The following PLXNA4 variants were observed in gnomAD, a reference collection of about 807,000 sequenced individuals.
PLXNA4 encodes the protein plexin-A4.
PLXNA4 carries 44 observed loss-of-function variants against 191.8 expected under a neutral mutation model. The observed-to-expected ratio is 0.23, with a 90% confidence interval of 0.18 to 0.29. The LOEUF (loss-of-function observed/expected upper bound fraction) is 0.29. Among genes scored for constraint, PLXNA4 ranks in the 10% least tolerant of loss-of-function variants. The pLI is 1.00. For missense variants in PLXNA4, 1,800 were observed against 2,488.8 expected (o/e 0.72, Z 5.89); for synonymous variants, 1,082 against 1,009.5 (o/e 1.07, Z -1.36).
intron 3 of PLXNA4, among the ~76,000 whole-genome samples, chr7:132,396,783 C>T (rs1046786873): frequency 3.9e-5 from 6 of 152,266 alleles, no homozygotes; most frequent in Non-Finnish European, 5.9e-5. Flanking sequence ...TGAGCCACCG[C>T]GCCTGGCCAG....
chr7:132,606,669 C>T (rs147944577), intron 2 of PLXNA4, among the ~76,000 whole-genome samples: 33 of 152,296 alleles, frequency 2.2e-4, no homozygotes, highest in African/African-American at 7.7e-4. Flanking sequence ...AACTGAACCA[C>T]CAAACTCACA....
rs75787081 is a variant in PLXNA4 at position 132,185,935 on chromosome 7, G to A, written c.2994-472C>T. Among the ~76,000 whole-genome samples the A allele has an allele frequency of 4.0e-3, 613 of 152,320 alleles. 3 individuals carry two copies. Among genetic ancestry groups the A allele is most frequent in the African/African-American group, 0.014 (585 of 41,582 alleles). ...TAGTATTTGGAGTTGAGCCCCATCTGTTTTCCCTGATGCAGTAGTCTTGAC... is the reference window on the plus strand; with the variant it reads ...TAGTATTTGGAGTTGAGCCCCATCTATTTTCCCTGATGCAGTAGTCTTGAC... On this transcript the variant is annotated intron_variant, in intron 15 of 31. Coordinates refer to ENST00000321063, the MANE Select transcript of PLXNA4 (RefSeq NM_020911.2).
At chr7:132,246,792 CAT>C (rs1799070683) in intron 4 of PLXNA4, among the ~76,000 whole-genome samples, 1 of 151,644 alleles carries the variant, frequency 6.6e-6, no homozygotes, top group South Asian at 2.2e-4. Flanking sequence ...TCATCATCAT[CAT>C]CATCATCATC....
chr7:132,188,088 G>T (rs978162898), intron 14 of PLXNA4, among the ~76,000 whole-genome samples: 3 of 151,974 alleles, frequency 2.0e-5, no homozygotes, highest in Non-Finnish European at 4.4e-5. Flanking sequence ...CTACAGCTCT[G>T]TTCTTGGGTG....
chr7:132,370,403 G>A (rs1018400636), intron 3 of PLXNA4, among the ~76,000 whole-genome samples: 10 of 152,204 alleles, frequency 6.6e-5, no homozygotes, highest in South Asian at 4.1e-4. Flanking sequence ...TGACTTGGAC[G>A]TGGCCTCTCA....
At chr7:132,267,229 A>T (rs1799891839) in intron 4 of PLXNA4, among the ~76,000 whole-genome samples, 1 of 152,224 alleles carries the variant, frequency 6.6e-6, no homozygotes, top group South Asian at 2.1e-4. Context: ...TGGAGTTGTT[A>T]TGTGAGTGTT....
At chr7:132,193,161 T>C (rs1797146736) in intron 14 of PLXNA4, among the ~76,000 whole-genome samples, 1 of 152,214 alleles carries the variant, frequency 6.6e-6, no homozygotes, top group African/African-American at 2.4e-5. Flanking sequence ...TTATAAGGGC[T>C]CTGCCCTCAT....
intron 2 of PLXNA4, among the ~76,000 whole-genome samples, chr7:132,497,904 C>T (rs769932244): frequency 9.2e-5 from 14 of 152,008 alleles, no homozygotes; most frequent in Non-Finnish European, 1.9e-4. Context: ...GTAGGGAAAA[C>T]GAATGTGTAA....
chr7:132,198,465 T>A lies in PLXNA4; in HGVS notation c.2738+20A>T, dbSNP rs754610604. On this transcript the variant is annotated intron_variant, in intron 13 of 31. Coordinates refer to ENST00000321063, the MANE Select transcript of PLXNA4 (RefSeq NM_020911.2). The stretch of plus-strand genomic sequence containing the variant: ...TCTTCCCTCCCCTGTTCCTCCTGTG[T>A]TGCATGCAGCTTCACTTACTGTTCT... 6.2e-7 allele frequency: 1 copy of A among 1,612,044 alleles called. No individual in the cohort carries two copies. The highest frequency in any genetic ancestry group is 8.5e-7 in the Non-Finnish European group (1 of 1,178,820).
intron 2 of PLXNA4, among the ~76,000 whole-genome samples, chr7:132,491,421 G>A (rs1797793986): frequency 6.6e-6 from 1 of 152,168 alleles, no homozygotes; most frequent in Non-Finnish European, 1.5e-5. Flanking sequence ...CTCCAGAGAA[G>A]GTGACCTGCT....
At chr7:132,351,024 A>G (rs1387712414) in intron 3 of PLXNA4, among the ~76,000 whole-genome samples, 2 of 152,258 alleles carry the variant, frequency 1.3e-5, no homozygotes, top group Non-Finnish European at 2.9e-5. Flanking sequence ...TGAGTAAGAA[A>G]GAAGCCAGAC....
At chr7:132,298,332 C>G (rs1584959649) in intron 3 of PLXNA4, 110 bp from the exon 4 acceptor site, 1 of 1,381,260 alleles carries the variant, frequency 7.2e-7, no homozygotes, top group Non-Finnish European at 9.7e-7. Flanking sequence ...TGAGTTCTGT[C>G]TCCACAGTGC....
At chr7:132,589,836 T>C (rs1384308446) in intron 2 of PLXNA4, among the ~76,000 whole-genome samples, 3 of 152,266 alleles carry the variant, frequency 2.0e-5, no homozygotes, top group Admixed American at 2.0e-4. Flanking sequence ...TAGGAACAAC[T>C]TCCTTGAGGT....
intron 3 of PLXNA4, among the ~76,000 whole-genome samples, chr7:132,310,473 T>C (rs1183901992): frequency 6.6e-6 from 1 of 152,138 alleles, no homozygotes; most frequent in Non-Finnish European, 1.5e-5. Context: ...CCCATTAACA[T>C]TGGAAAAAGA....
chr7:132,553,812 T>G (rs899060573), intron 1 of PLXNA4, among the ~76,000 whole-genome samples: 4 of 152,048 alleles, frequency 2.6e-5, no homozygotes, highest in Non-Finnish European at 5.9e-5. Context: ...AATTAGGGAG[T>G]GCTGTCCTCT....
At chr7:132,437,019 T>C (rs991285846) in intron 3 of PLXNA4, among the ~76,000 whole-genome samples, 5 of 152,194 alleles carry the variant, frequency 3.3e-5, no homozygotes, top group African/African-American at 1.2e-4. Flanking sequence ...CATCGCCATA[T>C]ACACATGCCT....
At chr7:132,407,544 A>C (rs1794273065) in intron 3 of PLXNA4, among the ~76,000 whole-genome samples, 1 of 152,220 alleles carries the variant, frequency 6.6e-6, no homozygotes, top group South Asian at 2.1e-4. Flanking sequence ...ACACATGTGC[A>C]CACAAATTGG....
intron 3 of PLXNA4, among the ~76,000 whole-genome samples, chr7:132,342,744 C>T (rs1251915297): frequency 4.6e-5 from 7 of 151,996 alleles, no homozygotes; most frequent in South Asian, 2.1e-4. Flanking sequence ...GTCAGGAGTT[C>T]GAGACCAACC....
At chr7:132,499,870 T>C (rs927662328) in intron 2 of PLXNA4, among the ~76,000 whole-genome samples, 1 of 152,150 alleles carries the variant, frequency 6.6e-6, no homozygotes, top group African/African-American at 2.4e-5. Context: ...GACACAGTAA[T>C]GGCACAGAGA....
Sources: allele counts gnomAD v4.1 joint callset (sites outside exome capture counted in the v4.1 genomes callset), GRCh38; gene constraint gnomAD v4.1.1; transcripts MANE v1.5; gene names NCBI Gene and HGNC (gene_info 2026-07-23, HGNC 2026-07-21).